Variants in FADS1 observed in about 807,000 individuals in gnomAD.
FADS1 encodes acyl-CoA (8-3)-desaturase.
Under a neutral mutation model 61.6 loss-of-function variants are expected in FADS1, and 17 were observed. The observed-to-expected ratio is 0.28, with a 90% CI of 0.19 to 0.41. The LOEUF (loss-of-function observed/expected upper bound fraction) is 0.41. Among genes scored for constraint, FADS1 ranks in the 10% least tolerant of loss-of-function variants. The pLI is 1.00. For synonymous variants in FADS1, 238 were observed against 258.7 expected (o/e 0.92, Z 0.77); for missense variants, 387 against 650.9 (o/e 0.59, Z 4.41).
intron 6 of FADS1, chr11:61,805,552 T>A (rs1029224220): frequency 2.0e-5 from 3 of 152,226 alleles, no homozygotes; most frequent in African/African-American, 7.2e-5. Flanking sequence ...TAAAACTATT[T>A]CTTCCAGAGG....
chr11:61,803,748 G>A lies in FADS1; in HGVS notation c.1073C>T (p.Thr358Ile). The part of the protein sequence containing the change: ...KKWVDLAWMI[T>I]FYVRFFLTYV... ...AGTGAGGAAGAAGCGGACGTAGAAG[G>A]TAATCATCCAGGCCAAGTCCTATAG... Residue 358 changes from threonine (T) to isoleucine (I), a missense_variant, in exon 8 of 12, where the codon ACC (threonine) becomes ATC (isoleucine). Thr to Ile is a moderately conservative substitution (Grantham distance 89). Around this residue, in one of 2 missense-constraint regions of FADS1, gnomAD observed 257 missense variants for 533.3 expected, o/e 0.48. Transcript: ENST00000350997. This position sits in a 1 kb window ranked among gnomAD's most constrained non-coding sequence, Gnocchi z 4.3. 6.2e-7 allele frequency: 1 copy of A among 1,613,852 alleles called. No homozygotes were observed. The highest frequency in any genetic ancestry group is 8.5e-7 in the Non-Finnish European group (1 of 1,179,754).
At chr11:61,808,852 G>T (rs750515049) in intron 5 of FADS1, among the ~76,000 whole-genome samples, 2 of 152,162 alleles carry the variant, frequency 1.3e-5, no homozygotes, top group Non-Finnish European at 2.9e-5. Context: ...GTCTGGACTC[G>T]CTCCAGCCGC....
At position 61,816,308 on chromosome 11, in the gene FADS1, C is replaced by A; in HGVS notation, c.375+247G>T. On this transcript the variant is annotated intron_variant, in intron 1 of 11. Transcript: ENST00000350997. The surrounding 1 kb of genome is among the most constrained non-coding windows in gnomAD (Gnocchi z 7.0). The stretch of plus-strand genomic sequence containing the variant: ...GGAATGCACGGCAGGGAGGCGGGAC[C>A]CTTTGTTTGTGTGTGCGTGTTGTTG... 1 of 1,598,332 alleles carries A rather than the reference C, an allele frequency of 6.3e-7. No homozygotes were observed. Among genetic ancestry groups the A allele is most frequent in the Non-Finnish European group, 8.5e-7 (1 of 1,179,780 alleles).
At chr11:61,804,593 G>C in intron 7 of FADS1, 92 bp downstream of exon 7, 1 of 945,330 alleles carries the variant, frequency 1.1e-6, no homozygotes, top group Admixed American at 2.0e-5. Flanking sequence ...ATTAGGCCTA[G>C]AGTCAGTCTC....
chr11:61,806,420 C>T (rs1412092066), intron 6 of FADS1: 1 of 541,504 alleles, frequency 1.8e-6, no homozygotes, highest in African/African-American at 1.9e-5. Flanking sequence ...ACCCAGCTTC[C>T]CAGTGGAAAC....
intron 7 of FADS1, 42 bp downstream of exon 7, chr11:61,804,643 C>A: frequency 6.4e-7 from 1 of 1,562,106 alleles, no homozygotes. Context: ...ACTCTGGGTG[C>A]TGGAGACAAG....
intron 5 of FADS1, among the ~76,000 whole-genome samples, chr11:61,807,688 G>A (rs1164175882): frequency 6.6e-6 from 1 of 152,188 alleles, no homozygotes; most frequent in East Asian, 1.9e-4. Context: ...AACCCCTGAT[G>A]TGGGCTCACA....
intron 5 of FADS1, among the ~76,000 whole-genome samples, chr11:61,808,385 G>A (rs2135937398): frequency 6.6e-6 from 1 of 152,020 alleles, no homozygotes; most frequent in Non-Finnish European, 1.5e-5. Flanking sequence ...CTTCTCCCCG[G>A]CCAGCTATGA....
In FADS1 at chr11:61,816,485, G is replaced by A. The variant is rs566347858; in HGVS notation, c.375+70C>T. On this transcript the variant is annotated intron_variant, in intron 1 of 11. Transcript: ENST00000350997. The surrounding 1 kb of genome is among the most constrained non-coding windows in gnomAD (Gnocchi z 7.0). ...TTAGTCGGTGTTTGGCTCGGAGTGC[G>A]TAACTCTGTCTCCCCTGCACTCAGC... is the stretch of plus-strand genomic sequence containing the variant. The A allele has an allele frequency of 1.7e-5, 27 of 1,600,866 alleles. No individual in the cohort carries two copies. The Admixed American group carries it at 4.2e-4, about 25-fold the overall frequency.
At chr11:61,808,107 A>G (rs1249856372) in intron 5 of FADS1, among the ~76,000 whole-genome samples, 2 of 152,160 alleles carry the variant, frequency 1.3e-5, no homozygotes, top group East Asian at 3.9e-4. Context: ...AGGCTGAGGT[A>G]GGCGGACTGC....
Position 61,803,582 on chromosome 11 carries a change from C to T in FADS1, c.1151+88G>A, listed in dbSNP as rs1458658959. ...CCAACTCCTGAAACACCCACTGTTA[C>T]CCAAAGCCCCAGCACGGCCCCTAGA... On this transcript the variant is annotated intron_variant, in intron 8 of 11. Transcript: ENST00000350997. This position sits in a 1 kb window ranked among gnomAD's most constrained non-coding sequence, Gnocchi z 4.3. 2 of 1,373,842 alleles carry T rather than the reference C, an allele frequency of 1.5e-6. No homozygotes were observed. Among genetic ancestry groups the T allele is most frequent in the Non-Finnish European group, 1.0e-6 (1 of 961,704 alleles). The allele number at this position is 1,373,842 out of a possible 1,614,324, so 85.1% of individuals were successfully genotyped here.
intron 5 of FADS1, among the ~76,000 whole-genome samples, chr11:61,810,504 CA>C (rs1225502326): frequency 6.6e-6 from 1 of 152,164 alleles, no homozygotes; most frequent in Non-Finnish European, 1.5e-5. Flanking sequence ...GGATCCTTTG[CA>C]AAATGAGGTG....
Position 61,802,652 on chromosome 11 carries a change from C to T in FADS1, c.1454+149G>A. On this transcript the variant is annotated intron_variant, in intron 11 of 11. Coordinates refer to ENST00000350997, the MANE Select transcript of FADS1 (RefSeq NM_013402.7). The surrounding 1 kb of genome is among the most constrained non-coding windows in gnomAD (Gnocchi z 4.2). ...GCAAAGGCCTGACCTGGCCACAGGT[C>T]CAATAAAGAATCCTGCCTTTGCCAT... 7.7e-7 allele frequency: 1 copy of T among 1,293,796 alleles called. No homozygotes were observed. The highest frequency in any genetic ancestry group is 1.1e-6 in the Non-Finnish European group (1 of 922,794). The allele number at this position is 1,293,796 out of a possible 1,614,324, so 80.1% of individuals were successfully genotyped here. A position where few individuals can be genotyped will look rare whatever the true frequency, so the allele number is the denominator to read the frequency against.
chr11:61,803,823 T>C lies in FADS1; in HGVS notation c.1054-56A>G, dbSNP rs753208891. ...TCACGAACAACTCTTCCTCTTCCTC[T>C]CAGCAGCTCTTTGTTTGCATGGTGC... On this transcript the variant is annotated intron_variant, in intron 7 of 11. Coordinates refer to ENST00000350997, the MANE Select transcript of FADS1 (RefSeq NM_013402.7). The surrounding 1 kb of genome is among the most constrained non-coding windows in gnomAD (Gnocchi z 4.3). The C allele has an allele frequency of 6.1e-6, 8 of 1,312,138 alleles. No individual in the cohort carries two copies. The highest frequency in any genetic ancestry group is 7.7e-6 in the Non-Finnish European group (7 of 906,994). 81.3% of individuals were successfully genotyped at this position (1,312,138 alleles called of 1,614,324 possible).
In FADS1 at chr11:61,816,127, T is replaced by C; in HGVS notation, c.375+428A>G. On this transcript the variant is annotated intron_variant, in intron 1 of 11. Transcript: ENST00000350997. This position sits in a 1 kb window ranked among gnomAD's most constrained non-coding sequence, Gnocchi z 7.0. ...CACCTAGGTCCAGACGCGGCTGCGC[T>C]GCCTCTCCTAGCCATCGAGACAGGA... 5 of 786,306 alleles carry C rather than the reference T, an allele frequency of 6.4e-6. No homozygotes were observed. The highest frequency in any genetic ancestry group is 9.9e-6 in the Non-Finnish European group (5 of 505,548). 48.7% of individuals were successfully genotyped at this position (786,306 alleles called of 1,614,324 possible).
Position 61,803,197 on chromosome 11 carries a change from G to T in FADS1, c.1249-86C>A, listed in dbSNP as rs1372017280. The stretch of plus-strand genomic sequence containing the variant: ...TCTCCAGGTAAAGCTGGCTGAGGAA[G>T]GGACATGAGACTGTCTTGGTCACTC... On this transcript the variant is annotated intron_variant, in intron 9 of 11. Transcript: ENST00000350997. The surrounding 1 kb of genome is among the most constrained non-coding windows in gnomAD (Gnocchi z 4.3). 7.2e-7 allele frequency: 1 copy of T among 1,379,912 alleles called. No individual in the cohort carries two copies. The highest frequency in any genetic ancestry group is 1.0e-6 in the Non-Finnish European group (1 of 971,472). 85.5% of individuals were successfully genotyped at this position (1,379,912 alleles called of 1,614,324 possible).
At position 61,809,649 on chromosome 11, in the gene FADS1, A is replaced by T. The variant is rs2066918461; in HGVS notation, c.915+1102T>A. 5.9e-5 allele frequency among the ~76,000 whole-genome samples: 9 copies of T among 152,162 alleles called. No individual in the cohort carries two copies. In the South Asian group the frequency reaches 1.7e-3, roughly 28 times the overall value. On this transcript the variant is annotated intron_variant, in intron 5 of 11. Transcript: ENST00000350997. ...TTAAACCCTCTGTAGTGACAGTAGA[A>T]ATGCACAAGCCCCATGCCACTGCCC...
chr11:61,806,411 C>T (rs981973334), intron 6 of FADS1: 1 of 526,814 alleles, frequency 1.9e-6, no homozygotes, highest in East Asian at 3.1e-5. Flanking sequence ...ACCCCAAACA[C>T]CCAGCTTCCC....
chr11:61,810,631 C>T, intron 5 of FADS1, 120 bp downstream of exon 5: 2 of 1,332,778 alleles, frequency 1.5e-6, no homozygotes, highest in East Asian at 2.3e-5. Flanking sequence ...TGGCAAAAGC[C>T]CCAGCCAGCC....
Sources: allele counts gnomAD v4.1 joint callset (sites outside exome capture counted in the v4.1 genomes callset), GRCh38; gene constraint gnomAD v4.1.1; regional missense constraint gnomAD v4.1.1; non-coding constraint Gnocchi (gnomAD v3.1); transcripts MANE v1.5; gene names NCBI Gene and HGNC (gene_info 2026-07-23, HGNC 2026-07-21).